The following SEMA5A variants were observed in gnomAD, a reference collection of about 807,000 sequenced individuals.
SEMA5A encodes semaphorin 5A.
Under a neutral mutation model 135.5 loss-of-function variants are expected in SEMA5A, and 55 were observed. That is an observed-to-expected ratio of 0.41 (90% CI 0.33 to 0.51). SEMA5A has a LOEUF of 0.51. Among genes scored for constraint, SEMA5A ranks in the 20% least tolerant of loss-of-function variants. The pLI is 0.37. For synonymous variants in SEMA5A, 580 were observed against 546.5 expected (o/e 1.06, Z -0.85); for missense variants, 1,290 against 1,419.9 (o/e 0.91, Z 1.47).
chr5:9,099,428 A>C (rs949793208), intron 16 of SEMA5A, among the ~76,000 whole-genome samples: 3 of 152,256 alleles, frequency 2.0e-5, no homozygotes, highest in African/African-American at 7.2e-5. Context: ...ATCCAGTTTC[A>C]GCAAGGGAGA....
chr5:9,531,789 G>C (rs1449811333), intron 1 of SEMA5A, among the ~76,000 whole-genome samples: 2 of 152,148 alleles, frequency 1.3e-5, no homozygotes, highest in African/African-American at 4.8e-5. Flanking sequence ...GTCTGTCCCA[G>C]AGAAAGTTTC....
chr5:9,466,004 A>T (rs193039818), intron 1 of SEMA5A, among the ~76,000 whole-genome samples: 104 of 152,290 alleles, frequency 6.8e-4, no homozygotes, highest in Non-Finnish European at 9.9e-4. Flanking sequence ...TCAGAGAGAA[A>T]TTACAAGTTA....
chr5:9,523,404 T>C lies in SEMA5A; in HGVS notation c.-175+22180A>G, dbSNP rs3798071. Among the ~76,000 whole-genome samples the C allele has an allele frequency of 1.5e-4, 23 of 152,314 alleles. No homozygotes were observed. In the East Asian group the frequency reaches 4.3e-3, roughly 28 times the overall value. ...ATAAAAATGCAGGAATTGTAAACAT[T>C]TAAAGTGAAAATCCTTCCTAGGATG... On this transcript the variant is annotated intron_variant, in intron 1 of 22. Transcript: ENST00000382496.
intron 16 of SEMA5A, among the ~76,000 whole-genome samples, chr5:9,081,501 A>G (rs959494268): frequency 2.0e-5 from 3 of 151,946 alleles, no homozygotes; most frequent in African/African-American, 7.3e-5. Context: ...CTGGCAAGGA[A>G]TTTTCCAAAT....
At chr5:9,377,383 C>T (rs1036991544) in intron 3 of SEMA5A, among the ~76,000 whole-genome samples, 2 of 152,122 alleles carry the variant, frequency 1.3e-5, no homozygotes, top group Admixed American at 1.3e-4. Flanking sequence ...AGCTAGATTC[C>T]TTTGAACACC....
At chr5:9,160,808 CAAAGGTCAT>C (rs1743212089) in intron 11 of SEMA5A, among the ~76,000 whole-genome samples, 1 of 152,102 alleles carries the variant, frequency 6.6e-6, no homozygotes, top group Non-Finnish European at 1.5e-5. Flanking sequence ...AAAGAAAAAG[CAAAGGTCAT>C]AAATGAAAAT....
chr5:9,125,558 A>G (rs1741062612), intron 13 of SEMA5A, among the ~76,000 whole-genome samples: 1 of 151,870 alleles, frequency 6.6e-6, no homozygotes, highest in African/African-American at 2.4e-5. Flanking sequence ...ATGTGTTCTC[A>G]TTGTTCAACT....
At chr5:9,211,606 C>G (rs1478235364) in intron 8 of SEMA5A, among the ~76,000 whole-genome samples, 4 of 152,088 alleles carry the variant, frequency 2.6e-5, no homozygotes, top group Non-Finnish European at 5.9e-5. Context: ...AGAGTCAGCA[C>G]CTGGTCCCAA....
chr5:9,238,755 A>G (rs1748048084), intron 5 of SEMA5A, among the ~76,000 whole-genome samples: 1 of 151,864 alleles, frequency 6.6e-6, no homozygotes, highest in South Asian at 2.1e-4. Context: ...TAGGGTAAAA[A>G]TATTTTTTTC....
At chr5:9,044,150 T>C (rs1231862552) in intron 22 of SEMA5A, among the ~76,000 whole-genome samples, 4 of 152,146 alleles carry the variant, frequency 2.6e-5, no homozygotes, top group Non-Finnish European at 4.4e-5. Flanking sequence ...TGGTGGAGAA[T>C]AGAGGCCACA....
At chr5:9,151,765 T>C (rs951667268) in intron 12 of SEMA5A, among the ~76,000 whole-genome samples, 2 of 152,180 alleles carry the variant, frequency 1.3e-5, no homozygotes, top group African/African-American at 4.8e-5. Flanking sequence ...CAGAAGACTA[T>C]AGTCTATCAG....
At chr5:9,372,479 G>A (rs1396640699) in intron 3 of SEMA5A, among the ~76,000 whole-genome samples, 1 of 152,094 alleles carries the variant, frequency 6.6e-6, no homozygotes, top group Non-Finnish European at 1.5e-5. Context: ...ATGGAGTTGT[G>A]AACATGCCTA....
At chr5:9,065,659 A>G (rs1162957622) in intron 17 of SEMA5A, among the ~76,000 whole-genome samples, 2 of 152,252 alleles carry the variant, frequency 1.3e-5, no homozygotes, top group Admixed American at 6.5e-5. Flanking sequence ...TTCTGTTGGT[A>G]TCTTTTCCTT....
At chr5:9,252,299 T>A (rs1045284394) in intron 5 of SEMA5A, among the ~76,000 whole-genome samples, 2 of 152,176 alleles carry the variant, frequency 1.3e-5, no homozygotes, top group Non-Finnish European at 2.9e-5. Flanking sequence ...AGTCATCGAT[T>A]CGAAAGCTTC....
At chr5:9,511,356 GA>G (rs1397309509) in intron 1 of SEMA5A, 1 of 152,162 alleles carries the variant, frequency 6.6e-6, no homozygotes, top group Non-Finnish European at 1.5e-5. Context: ...TTAAGTTAAA[GA>G]GATACATTCT....
chr5:9,135,727 T>G (rs1428972500), intron 13 of SEMA5A, among the ~76,000 whole-genome samples: 1 of 152,158 alleles, frequency 6.6e-6, no homozygotes, highest in Non-Finnish European at 1.5e-5. Flanking sequence ...ACTTTTCCAT[T>G]ATATGGAAGT....
chr5:9,334,214 G>GA (rs560605572), intron 4 of SEMA5A, among the ~76,000 whole-genome samples: 37 of 151,024 alleles, frequency 2.4e-4, no homozygotes, highest in East Asian at 7.8e-4. Flanking sequence ...AGTGCTATGA[G>GA]AAAAAAAAAT....
chr5:9,379,424 G>A (rs1755497884), intron 3 of SEMA5A, among the ~76,000 whole-genome samples: 1 of 152,158 alleles, frequency 6.6e-6, no homozygotes, highest in Non-Finnish European at 1.5e-5. Context: ...GAAACAAAGG[G>A]CTAGGTTTGT....
At chr5:9,444,495 C>G (rs1247877674) in intron 1 of SEMA5A, among the ~76,000 whole-genome samples, 1 of 152,196 alleles carries the variant, frequency 6.6e-6, no homozygotes, top group African/African-American at 2.4e-5. Context: ...CTAATCTCAT[C>G]CAGGTCGCTG....
Sources: gnomAD v4.1 joint callset for allele counts (sites outside exome capture counted in the v4.1 genomes callset) on GRCh38, gnomAD v4.1.1 for gene constraint, MANE v1.5 for transcripts, NCBI Gene and HGNC (gene_info 2026-07-23, HGNC 2026-07-21) for gene names.